PDZD4: variants seen among roughly 807,000 people sequenced by gnomAD.
PDZD4 encodes PDZ domain-containing protein 4.
In PDZD4, 9 loss-of-function variants were observed where a neutral mutation model predicts 38.5. The observed-to-expected ratio is 0.23, with a 90% CI of 0.14 to 0.41. PDZD4 has a LOEUF of 0.41. PDZD4 is among the 10% of genes least tolerant of loss of function. PDZD4 has a pLI of 1.00. For missense variants in PDZD4, 612 were observed against 722.0 expected (o/e 0.85, Z 1.75); for synonymous variants, 349 against 315.7 (o/e 1.11, Z -1.12).
chrX:153,806,026 G>A (rs782604448), intron 5 of PDZD4, 45 bp downstream of exon 5: 57 of 1,192,325 alleles, frequency 4.8e-5, no homozygotes, highest in Non-Finnish European at 6.2e-5. Flanking sequence ...GGGCCGACGG[G>A]CACAGCGGGG....
In PDZD4 at chrX:153,820,853, A is replaced by G. The variant is rs374015011; in HGVS notation, c.60+9386T>C. Among the ~76,000 whole-genome samples, 70 of 111,404 alleles carry G rather than the reference A, an allele frequency of 6.3e-4. 1 individual carries two copies. In the South Asian group the frequency reaches 0.023, roughly 36 times the overall value. ...ACTGTTGGGGAGGCTGTTTGATCAC[A>G]TGGTCCAGGTGGCAGCTGCCAGATC... On this transcript the variant is annotated intron_variant, in intron 1 of 7. Transcript: ENST00000393758.
chrX:153,818,654 G>C (rs1052859265), intron 1 of PDZD4, among the ~76,000 whole-genome samples: 1 of 108,785 alleles, frequency 9.2e-6, no homozygotes, highest in Non-Finnish European at 1.9e-5. Context: ...GAGCCCGGGA[G>C]GGGAGGGCGA....
chrX:153,806,212 C>A, intron 4 of PDZD4, 79 bp from the exon 5 acceptor site: 1 of 1,035,174 alleles, frequency 9.7e-7, no homozygotes, highest in Non-Finnish European at 1.4e-6. Flanking sequence ...CCTCAGGGGC[C>A]CCCAAAGCAA....
At chrX:153,830,021 C>T in intron 1 of PDZD4, 1 of 664,920 alleles carries the variant, frequency 1.5e-6, no homozygotes, top group Non-Finnish European at 2.0e-6. Flanking sequence ...GACGGAAGCG[C>T]GCCCCACCCG....
At chrX:153,823,509 C>A (rs782013192) in intron 1 of PDZD4, among the ~76,000 whole-genome samples, 11 of 110,156 alleles carry the variant, frequency 1.0e-4, no homozygotes, top group Admixed American at 3.9e-4. Context: ...TGAGCCACCA[C>A]GCCTGGTCAA....
At position 153,803,517 on chromosome X, in the gene PDZD4, G is replaced by T. The variant is rs782759924; in HGVS notation, c.2164C>A (p.Pro722Thr). ...CTCAGGGCAATGATGTTGAGCTCGG[G>T]CTTGCTGTCGCCATTCTGCTGCTCC... ...LREQQNGDSK[P>T]ELNIIALSHR... The change falls in exon 8 of 8, where the codon CCC becomes ACC. Residue 722 changes from proline (P) to threonine (T), a missense_variant. Pro to Thr is a conservative substitution (Grantham distance 38, BLOSUM62 -1). Around this residue, in one of 3 missense-constraint regions of PDZD4, gnomAD observed 87 missense variants for 126.3 expected, o/e 0.69. Transcript: ENST00000393758. 15 of 1,195,215 alleles carry T rather than the reference G, an allele frequency of 1.3e-5. No homozygotes were observed. The Admixed American group carries it at 3.4e-4, about 27-fold the overall frequency.
Position 153,830,544 on chromosome X carries a change from C to G in PDZD4, c.-246G>C. The G allele has an allele frequency of 4.3e-6, 1 of 233,683 alleles. No homozygotes were observed. The highest frequency in any genetic ancestry group is 7.6e-6 in the Non-Finnish European group (1 of 130,955). 19.3% of individuals were successfully genotyped at this position (233,683 alleles called of 1,213,427 possible). ...TCGCACCCGGCCAGGAGAAAAAGGG[C>G]AGCGGGGGATGGGCGGGCGCGCCGG... On this transcript the variant is annotated 5_prime_UTR_variant, in exon 1 of 8. Coordinates refer to ENST00000393758, the MANE Select transcript of PDZD4 (RefSeq NM_001303512.2).
At position 153,830,414 on chromosome X, in the gene PDZD4, G is replaced by T. The variant is rs1284946677; in HGVS notation, c.-116C>A. 3.3e-6 allele frequency: 2 copies of T among 607,546 alleles called. No homozygotes were observed. The highest frequency in any genetic ancestry group is 5.1e-6 in the Non-Finnish European group (2 of 395,650). The allele number at this position is 607,546 out of a possible 1,213,427, so 50.1% of individuals were successfully genotyped here. A position where few individuals can be genotyped will look rare whatever the true frequency, so the allele number is the denominator to read the frequency against. ...CAGGGGCCATACCCTGGCGCGGGGG[G>T]CGGGCCGCCTAGCGGGGGAGGGGGG... is the stretch of plus-strand genomic sequence containing the variant. On this transcript the variant is annotated 5_prime_UTR_variant, in exon 1 of 8. Transcript: ENST00000393758.
Position 153,807,233 on chromosome X carries a change from G to A in PDZD4, c.405+46C>T, listed in dbSNP as rs1557077380. 4.3e-6 allele frequency: 5 copies of A among 1,165,919 alleles called. No individual in the cohort carries two copies. The East Asian group carries it at 9.1e-5, about 21-fold the overall frequency. On this transcript the variant is annotated intron_variant, in intron 3 of 7. Transcript: ENST00000393758. Reference sequence around the variant, plus strand: ...CAGGAAGGCACACAGGCGTCGGGGCGGCTCCCGCAGCTGGCTGCGGGCCCT... The same window carrying A: ...CAGGAAGGCACACAGGCGTCGGGGCAGCTCCCGCAGCTGGCTGCGGGCCCT...
At chrX:153,806,162 G>A (rs782622637) in intron 4 of PDZD4, 29 bp from the exon 5 acceptor site, 1 of 1,204,275 alleles carries the variant, frequency 8.3e-7, no homozygotes, top group Non-Finnish European at 1.1e-6. Flanking sequence ...TTGGGGACTT[G>A]GTGCCTAACA....
At position 153,803,010 on chromosome X, in the gene PDZD4, A is replaced by C; in HGVS notation, c.*343T>G. The C allele has an allele frequency of 5.9e-6, 1 of 168,348 alleles. No individual in the cohort carries two copies. 13.9% of individuals were successfully genotyped at this position (168,348 alleles called of 1,213,427 possible). On this transcript the variant is annotated 3_prime_UTR_variant, in exon 8 of 8. Coordinates refer to ENST00000393758, the MANE Select transcript of PDZD4 (RefSeq NM_001303512.2). ...GCAAGTACACGGGTCGGGTGGAGAG[A>C]GCACTGGGTGTGTGTGTGCGTGCAC...
chrX:153,822,779 A>G (rs1441442380), intron 1 of PDZD4, among the ~76,000 whole-genome samples: 1 of 110,939 alleles, frequency 9.0e-6, no homozygotes, highest in Non-Finnish European at 1.9e-5. Context: ...CCTGGGTTCA[A>G]GCAATCCTCC....
Position 153,803,608 on chromosome X carries a change from C to T in PDZD4, c.2073G>A (p.Leu691=), listed in dbSNP as rs1220772566. 1.1e-5 allele frequency: 13 copies of T among 1,210,527 alleles called. No homozygotes were observed. Among genetic ancestry groups the T allele is most frequent in the Non-Finnish European group, 1.5e-5 (13 of 895,610 alleles). ...YWSKEERKQH[L]IRAREQRKRR... ...GCTTCCGCTGCTCACGGGCCCGGAT[C>T]AGGTGCTGCTTCCGCTCCTCCTTGC... is the stretch of plus-strand genomic sequence containing the variant. Residue 691 remains leucine, a synonymous_variant, in exon 8 of 8, where the codon CTG becomes CTA. Transcript: ENST00000393758.
At chrX:153,823,424 G>A (rs906553139) in intron 1 of PDZD4, among the ~76,000 whole-genome samples, 14 of 110,297 alleles carry the variant, frequency 1.3e-4, no homozygotes, top group African/African-American at 4.6e-4. Context: ...CTCTATGTTG[G>A]TCAGGCTGGT....
chrX:153,809,697 G>T (rs1275172358), intron 1 of PDZD4, among the ~76,000 whole-genome samples: 1 of 112,971 alleles, frequency 8.9e-6, no homozygotes, highest in Admixed American at 9.3e-5. Context: ...CAACCTTGAG[G>T]GAGATGCCAT....
rs1278685390 is a variant in PDZD4 at position 153,830,308 on chromosome X, C to T, written c.-10G>A. ...ACATATTACATCCCATGTTGCTGGC[C>T]GGCGAGAGGAGGCGGAGGGCGGGAA... is the stretch of plus-strand genomic sequence containing the variant. On this transcript the variant is annotated 5_prime_UTR_variant, in exon 1 of 8. Coordinates refer to ENST00000393758, the MANE Select transcript of PDZD4 (RefSeq NM_001303512.2). The T allele has an allele frequency of 1.7e-6, 2 of 1,198,631 alleles. No homozygotes were observed. Among genetic ancestry groups the T allele is most frequent in the Non-Finnish European group, 2.3e-6 (2 of 888,778 alleles).
At position 153,819,677 on chromosome X, in the gene PDZD4, G is replaced by GTT. The variant is rs782357279; in HGVS notation, c.60+10560_60+10561dup. On this transcript the variant is annotated intron_variant, in intron 1 of 7. Coordinates refer to ENST00000393758, the MANE Select transcript of PDZD4 (RefSeq NM_001303512.2). ...GAGTATCCAGGACACCTTGGAAGCAGTTGTGACTGTAGCTTCCAGGCCAAG... is the reference window on the plus strand; with the variant it reads ...GAGTATCCAGGACACCTTGGAAGCAGTTTTGTGACTGTAGCTTCCAGGCCAAG... Among the ~76,000 whole-genome samples, 3 of 112,737 alleles carry GTT rather than the reference G, an allele frequency of 2.7e-5. No homozygotes were observed. In the Admixed American group the frequency reaches 2.8e-4, roughly 11 times the overall value.
intron 1 of PDZD4, among the ~76,000 whole-genome samples, chrX:153,822,479 C>T (rs997248908): frequency 8.9e-6 from 1 of 111,971 alleles, no homozygotes; most frequent in Non-Finnish European, 1.9e-5. Context: ...ATGCTCCAAG[C>T]AGCCATGAGG....
chrX:153,821,160 A>G (rs781968921), intron 1 of PDZD4, among the ~76,000 whole-genome samples: 1 of 111,730 alleles, frequency 9.0e-6, no homozygotes, highest in Non-Finnish European at 1.9e-5. Context: ...ACCCGCTTCC[A>G]TAACTCTGTG....
Sources: gnomAD v4.1 joint callset for allele counts (sites outside exome capture counted in the v4.1 genomes callset) on GRCh38, gnomAD v4.1.1 for gene constraint, gnomAD v4.1.1 regional missense constraint, MANE v1.5 for transcripts, NCBI Gene and HGNC (gene_info 2026-07-23, HGNC 2026-07-21) for gene names.